Variants in MUC5AC observed in about 807,000 individuals in gnomAD.
The protein encoded by MUC5AC is mucin-5AC.
A neutral mutation model predicts 169.7 loss-of-function variants in MUC5AC; 158 were observed. That is an observed-to-expected ratio of 0.93 (90% CI 0.82 to 1.06). The LOEUF is 1.06. Among genes scored for constraint, MUC5AC ranks in the 50% least tolerant of loss-of-function variants. The probability of loss-of-function intolerance (pLI) is 0.00; values close to 1 mark genes in which losing one functional copy is unlikely to be tolerated. For missense variants in MUC5AC, 4,359 were observed against 3,089.9 expected (o/e 1.41, Z -9.74); for synonymous variants, 1,975 against 1,237.0 (o/e 1.60, Z -12.52).
At position 1,200,693 on chromosome 11, in the gene MUC5AC, C is replaced by T. The variant is rs1861406803; in HGVS notation, c.16956C>T (p.Pro5652=). 1.3e-6 allele frequency: 1 copy of T among 750,232 alleles called. No homozygotes were observed. The highest frequency in any genetic ancestry group is 2.5e-6 in the Non-Finnish European group (1 of 407,490). The allele number at this position is 750,232 out of a possible 1,614,324, so 46.5% of individuals were successfully genotyped here. A position where few individuals can be genotyped will look rare whatever the true frequency, so the allele number is the denominator to read the frequency against. ...GSWERGVPVS[P]MH is the part of the protein sequence containing the mutation. ...GGGAGAGAGGCGTCCCAGTGTCCCC[C>T]ATGCACTGACCAGCACTGCCGCCCT... Residue 5652 remains proline (P), a synonymous_variant, in exon 49 of 49, where the codon CCC becomes CCT. Coordinates refer to ENST00000621226, the MANE Select transcript of MUC5AC (RefSeq NM_001304359.2).
At position 1,188,521 on chromosome 11, in the gene MUC5AC, C is replaced by T. The variant is rs1861009809; in HGVS notation, c.10376C>T (p.Thr3459Ile). 1.4e-6 allele frequency: 1 copy of T among 734,718 alleles called. No homozygotes were observed. Among genetic ancestry groups the T allele is most frequent in the Admixed American group, 1.8e-5 (1 of 54,522 alleles). 45.5% of individuals were successfully genotyped at this position (734,718 alleles called of 1,614,324 possible). The part of the protein sequence containing the change: ...ATTTSTTSAP[T>I]SSTTSTPQTS... The stretch of plus-strand genomic sequence containing the variant: ...ACAACCAGCACAACCTCTGCCCCTA[C>T]AAGCAGCACAACCTCCACTCCACAG... The change falls in exon 31 of 49, where the codon ACA becomes ATA. Residue 3459 changes from threonine to isoleucine, a missense_variant. By Grantham distance (89) the Thr-to-Ile change is moderately conservative. Coordinates refer to ENST00000621226, the MANE Select transcript of MUC5AC (RefSeq NM_001304359.2).
chr11:1,176,798 A>C (rs1240456449), intron 21 of MUC5AC, 130 bp from the exon 22 acceptor site: 9 of 398,388 alleles, frequency 2.3e-5, no homozygotes, highest in African/African-American at 1.9e-4. Context: ...GGACGCCACC[A>C]GCAGCCCCAG....
chr11:1,194,072 C>A (rs761648284), intron 33 of MUC5AC, 38 bp from the exon 34 acceptor site: 32 of 758,624 alleles, frequency 4.2e-5, no homozygotes, highest in Non-Finnish European at 7.3e-5. Context: ...GGTGCCACCA[C>A]CCGAGCCACC....
intron 17 of MUC5AC, 75 bp from the exon 18 acceptor site, chr11:1,174,807 C>A: frequency 2.2e-6 from 1 of 447,212 alleles, no homozygotes. Flanking sequence ...GCCGAGAGGG[C>A]TGGGCTCACT....
At chr11:1,198,790 G>C in intron 43 of MUC5AC, 84 bp from the exon 44 acceptor site, 1 of 665,102 alleles carries the variant, frequency 1.5e-6, no homozygotes, top group South Asian at 1.6e-5. Context: ...CTGGGAAGTT[G>C]GGGGCAGCAA....
At chr11:1,170,492 C>T (rs1279289250) in intron 15 of MUC5AC, among the ~76,000 whole-genome samples, 1 of 138,778 alleles carries the variant, frequency 7.2e-6, no homozygotes, top group East Asian at 2.3e-4. Context: ...CACCCACTCA[C>T]TCACCCACTC....
intron 36 of MUC5AC, 56 bp from the exon 37 acceptor site, chr11:1,195,820 G>T: frequency 1.3e-6 from 1 of 741,192 alleles, no homozygotes; most frequent in South Asian, 1.4e-5. Context: ...GCCTGACGTG[G>T]AGCAGGCAGG....
intron 15 of MUC5AC, among the ~76,000 whole-genome samples, chr11:1,169,895 GACTCAACCATTCACTCACCC>G: frequency 2.7e-5 from 1 of 37,692 alleles, no homozygotes; most frequent in Middle Eastern, 0.024. Flanking sequence ...CCCACTCACC[GACTCAACCATTCACTCACCC>G]ATTCACCCAT....
chr11:1,169,150 G>A (rs930903764), intron 15 of MUC5AC, 124 bp downstream of exon 15: 195 of 1,413,438 alleles, frequency 1.4e-4, no homozygotes, highest in Non-Finnish European at 1.7e-4. Flanking sequence ...GGTGGCTCAC[G>A]AAGGGGCCCA....
chr11:1,178,568 G>A lies in MUC5AC; in HGVS notation c.3212G>A (p.Cys1071Tyr). The A allele has an allele frequency of 7.2e-7, 1 of 1,397,968 alleles. No individual in the cohort carries two copies. Among genetic ancestry groups the A allele is most frequent in the Non-Finnish European group, 9.4e-7 (1 of 1,061,356 alleles). 86.6% of individuals were successfully genotyped at this position (1,397,968 alleles called of 1,614,324 possible). A position where few individuals can be genotyped will look rare whatever the true frequency, so the allele number is the denominator to read the frequency against. The change falls in exon 25 of 49, where the codon TGC becomes TAC. Residue 1071 changes from cysteine to tyrosine, a missense_variant. Physicochemically the swap from Cys to Tyr is radical, Grantham distance 194. Transcript: ENST00000621226. The stretch of plus-strand genomic sequence containing the variant: ...AACAGCTGGAAGCTCTCCCCCTCCT[G>A]CCCAGATGCCCTGGCGCCCAAGGAC... ...FGNSWKLSPSCPDALAPKDPC... is the reference protein window; with the variant it reads ...FGNSWKLSPSYPDALAPKDPC...
rs750902847 is a variant in MUC5AC at position 1,197,568 on chromosome 11, G to A, written c.15962G>A (p.Cys5321Tyr). 2 of 717,506 alleles carry A rather than the reference G, an allele frequency of 2.8e-6. No individual in the cohort carries two copies. Among genetic ancestry groups the A allele is most frequent in the South Asian group, 2.9e-5 (2 of 68,472 alleles). The allele number at this position is 717,506 out of a possible 1,614,324, so 44.4% of individuals were successfully genotyped here. The change falls in exon 41 of 49, where the codon TGC becomes TAC. Residue 5321 changes from cysteine (C) to tyrosine (Y), a missense_variant. Coordinates refer to ENST00000621226, the MANE Select transcript of MUC5AC (RefSeq NM_001304359.2). ...AAGCTCTGCCCGCTGCCCCCTGCCT[G>A]CCCCCTGCCCGGCTTCGTGCCTGTG... ...RPKLCPLPPA[C>Y]PLPGFVPVPA...
intron 15 of MUC5AC, among the ~76,000 whole-genome samples, chr11:1,169,458 CCTCA>C (rs1461331844): frequency 8.6e-6 from 1 of 116,068 alleles, no homozygotes; most frequent in Non-Finnish European, 1.8e-5. Context: ...CACTCACTCA[CCTCA>C]CTCACTCACC....
rs1346161081 is a variant in MUC5AC at position 1,172,505 on chromosome 11, G to A, written c.1947G>A (p.Lys649=). The stretch of plus-strand genomic sequence containing the variant: ...TCGGCCGGTGCCATGCTGCCGTGAA[G>A]CCGGGAACCTACTACTCGGTAACAT... ...GPFGRCHAAV[K]PGTYYSNCMF... is the part of the protein sequence containing the mutation. Residue 649 remains lysine (K), a synonymous_variant, in exon 16 of 49, where the codon AAG becomes AAA. Transcript: ENST00000621226. 2.3e-5 allele frequency: 9 copies of A among 398,704 alleles called. No individual in the cohort carries two copies. In the East Asian group the frequency reaches 3.2e-4, roughly 14 times the overall value. 24.7% of individuals were successfully genotyped at this position (398,704 alleles called of 1,614,324 possible).
chr11:1,188,046 C>G lies in MUC5AC; in HGVS notation c.9901C>G (p.Gln3301Glu). 1.3e-6 allele frequency: 1 copy of G among 753,576 alleles called. No individual in the cohort carries two copies. Among genetic ancestry groups the G allele is most frequent in the Non-Finnish European group, 2.4e-6 (1 of 411,734 alleles). 46.7% of individuals were successfully genotyped at this position (753,576 alleles called of 1,614,324 possible). A position where few individuals can be genotyped will look rare whatever the true frequency, so the allele number is the denominator to read the frequency against. ...TGAAGAGGGCCTGGTGTGCCGGAAC[C>G]AGGACCAGCAGGGACCCTTCAAGAT... ...SREEGLVCRN[Q>E]DQQGPFKMCL... Residue 3301 changes from glutamine to glutamate, a missense_variant, in exon 31 of 49, where the codon CAG becomes GAG. Coordinates refer to ENST00000621226, the MANE Select transcript of MUC5AC (RefSeq NM_001304359.2).
intron 35 of MUC5AC, among the ~76,000 whole-genome samples, 162 bp downstream of exon 35, chr11:1,194,832 A>C (rs1861219868): frequency 6.6e-6 from 1 of 151,780 alleles, no homozygotes. Flanking sequence ...CGGTACCTGC[A>C]GCTCCCCAGT....
At position 1,168,969 on chromosome 11, in the gene MUC5AC, G is replaced by T. The variant is rs776722197; in HGVS notation, c.1813G>T (p.Ala605Ser). The change falls in exon 15 of 49, where the codon GCC becomes TCC. Residue 605 changes from alanine to serine, a missense_variant. Transcript: ENST00000621226. ...AFFNTFKTQAACPNIRNSFED... is the reference protein window; with the variant it reads ...AFFNTFKTQASCPNIRNSFED... ...CTTCAACACCTTCAAGACCCAGGCC[G>T]CCTGCCCCAACATCAGGAACAGCTT... is the stretch of plus-strand genomic sequence containing the variant. The T allele has an allele frequency of 1.2e-6, 2 of 1,610,596 alleles. No individual in the cohort carries two copies. The highest frequency in any genetic ancestry group is 3.3e-5 in the Admixed American group (2 of 59,726).
chr11:1,162,744 C>A, intron 5 of MUC5AC, 98 bp downstream of exon 5: 1 of 1,221,306 alleles, frequency 8.2e-7, no homozygotes, highest in Non-Finnish European at 1.2e-6. Flanking sequence ...TGCCCTGGGC[C>A]CAGTCAGGGT....
intron 11 of MUC5AC, 41 bp downstream of exon 11, chr11:1,165,801 G>C (rs1205615425): frequency 1.2e-6 from 2 of 1,607,174 alleles, no homozygotes; most frequent in African/African-American, 2.7e-5. Flanking sequence ...GACAGAGGGG[G>C]CCCATGGCCA....
chr11:1,170,725 CCA>C, intron 15 of MUC5AC, among the ~76,000 whole-genome samples: 1 of 112,894 alleles, frequency 8.9e-6, no homozygotes. Context: ...ACTGACTCAA[CCA>C]TTCACTCACC....
Sources: gnomAD v4.1 joint callset for allele counts (sites outside exome capture counted in the v4.1 genomes callset) on GRCh38, gnomAD v4.1.1 for gene constraint, MANE v1.5 for transcripts, NCBI Gene and HGNC (gene_info 2026-07-23, HGNC 2026-07-21) for gene names.